DYNLT2B: variants seen among roughly 807,000 people sequenced by gnomAD.
DYNLT2B encodes dynein light chain Tctex-type protein 2B.
A neutral mutation model predicts 19.5 loss-of-function variants in DYNLT2B; 14 were observed. The observed-to-expected ratio is 0.72, with a 90% CI of 0.47 to 1.12. The LOEUF (loss-of-function observed/expected upper bound fraction) is 1.12, where lower values mean the gene tolerates loss of function less well. Ranked by LOEUF, DYNLT2B falls within the 50% of genes most tolerant of loss-of-function variation. The pLI is 0.00. For synonymous variants in DYNLT2B, 70 were observed against 59.7 expected (o/e 1.17, Z -0.79); for missense variants, 133 against 174.7 (o/e 0.76, Z 1.35).
intron 3 of DYNLT2B, among the ~76,000 whole-genome samples, chr3:196,303,167 C>G (rs976890455): frequency 1.3e-5 from 2 of 151,734 alleles, no homozygotes; most frequent in African/African-American, 4.8e-5. Context: ...CACAAGAAGA[C>G]AGCTGACTCC....
intron 2 of DYNLT2B, among the ~76,000 whole-genome samples, 173 bp downstream of exon 2, chr3:196,315,925 G>A (rs1036549542): frequency 6.6e-6 from 1 of 152,090 alleles, no homozygotes; most frequent in African/African-American, 2.4e-5. Context: ...GGCTGGTACT[G>A]AACTCCAGAG....
intron 3 of DYNLT2B, chr3:196,296,351 T>C (rs1055079141): frequency 7.2e-6 from 2 of 279,246 alleles, no homozygotes; most frequent in African/African-American, 4.4e-5. Context: ...ATACTAGAGA[T>C]TTGTGTGTGA....
chr3:196,295,884 T>C lies in DYNLT2B; in HGVS notation c.381+122A>G, dbSNP rs1048172814. ...AAAAACTAACAGTAAAATCATTTCA[T>C]TCACAAGTCAAAGATGAATGACTAA... On this transcript the variant is annotated intron_variant, in intron 4 of 4. Coordinates refer to ENST00000325318, the MANE Select transcript of DYNLT2B (RefSeq NM_152773.5). The C allele has an allele frequency of 3.4e-5, 28 of 825,220 alleles. No individual in the cohort carries two copies. In the Admixed American group the frequency reaches 7.5e-4, roughly 22 times the overall value. The allele number at this position is 825,220 out of a possible 1,614,324, so 51.1% of individuals were successfully genotyped here.
Position 196,309,522 on chromosome 3 carries a change from C to T in DYNLT2B, c.248-2510G>A, listed in dbSNP as rs150989873. ...TCAGGTGATCCATCTGCCTCGGCCT[C>T]CCAAAGTGCTGGGATTACGGACGTG... is the stretch of plus-strand genomic sequence containing the variant. On this transcript the variant is annotated intron_variant, in intron 2 of 4. Coordinates refer to ENST00000325318, the MANE Select transcript of DYNLT2B (RefSeq NM_152773.5). Among the ~76,000 whole-genome samples, 664 of 152,136 alleles carry T rather than the reference C, an allele frequency of 4.4e-3. 16 individuals are homozygous for T. In the South Asian group the frequency reaches 0.07, roughly 16 times the overall value.
chr3:196,316,908 T>G (rs6766063), intron 1 of DYNLT2B, among the ~76,000 whole-genome samples: 2,358 of 44,540 alleles, frequency 0.053, 164 homozygotes, highest in African/African-American at 0.14. Context: ...TGTGTGTGTG[T>G]TGTGTGGTGT....
rs202129275 is a variant in DYNLT2B at position 196,317,059 on chromosome 3, T to TG, written c.114-829dup. ...GTGTGTGTGTGTTGTGTGGTGTGTG[T>TG]GTGGTGTGTGTGTGTGTGTGTGTGT... On this transcript the variant is annotated intron_variant, in intron 1 of 4. Transcript: ENST00000325318. Among the ~76,000 whole-genome samples, 47 of 94,174 alleles carry TG rather than the reference T, an allele frequency of 5.0e-4. 3 individuals carry two copies. In the South Asian group the frequency reaches 5.7e-3, roughly 11 times the overall value. The allele number at this position is 94,174 out of a possible 152,430, so 61.8% of individuals were successfully genotyped here. A position where few individuals can be genotyped will look rare whatever the true frequency, so the allele number is the denominator to read the frequency against.
At chr3:196,297,449 C>T (rs555085297) in intron 3 of DYNLT2B, among the ~76,000 whole-genome samples, 2 of 152,104 alleles carry the variant, frequency 1.3e-5, no homozygotes, top group South Asian at 2.1e-4. Flanking sequence ...CACTTGAACC[C>T]AGGAGGTGGA....
chr3:196,307,034 A>T (rs1400700991), intron 2 of DYNLT2B, 22 bp from the exon 3 acceptor site: 3 of 1,603,860 alleles, frequency 1.9e-6, no homozygotes, highest in Admixed American at 1.7e-5. Flanking sequence ...AAATAAGGTT[A>T]TTTATAAGCA....
chr3:196,307,593 G>A (rs1205912076), intron 2 of DYNLT2B, among the ~76,000 whole-genome samples: 10 of 151,596 alleles, frequency 6.6e-5, no homozygotes, highest in Admixed American at 2.0e-4. Context: ...GTGAGCCACC[G>A]CGCCCGGTCA....
At chr3:196,306,804 G>C (rs1290662128) in intron 3 of DYNLT2B, 139 bp downstream of exon 3, 20 of 681,566 alleles carry the variant, frequency 2.9e-5, no homozygotes, top group Non-Finnish European at 4.7e-5. Context: ...GCCTCCCAAA[G>C]TGCTGAGATT....
intron 1 of DYNLT2B, among the ~76,000 whole-genome samples, chr3:196,317,570 G>A (rs1726908463): frequency 6.6e-6 from 1 of 151,964 alleles, no homozygotes; most frequent in Non-Finnish European, 1.5e-5. Context: ...TCCTAGCGAG[G>A]GCTCGCTGCG....
intron 2 of DYNLT2B, 117 bp downstream of exon 2, chr3:196,315,981 A>T: frequency 1.8e-6 from 2 of 1,118,472 alleles, no homozygotes; most frequent in Non-Finnish European, 2.5e-6. Flanking sequence ...TTGGGATTGT[A>T]GGCGTGAGCC....
intron 3 of DYNLT2B, among the ~76,000 whole-genome samples, chr3:196,305,203 T>A (rs936425922): frequency 2.6e-5 from 4 of 152,116 alleles, no homozygotes; most frequent in African/African-American, 4.8e-5. Flanking sequence ...AACTTTATAA[T>A]AGATGGATCC....
intron 3 of DYNLT2B, among the ~76,000 whole-genome samples, chr3:196,304,059 T>A (rs113338979): frequency 0.053 from 8,100 of 152,286 alleles, 295 homozygotes; most frequent in Middle Eastern, 0.12. Flanking sequence ...ACAGGGAAAC[T>A]GGGTGTGGAG....
chr3:196,294,908 G>T (rs114551717), intron 4 of DYNLT2B, among the ~76,000 whole-genome samples: 1,528 of 151,430 alleles, frequency 0.01, 24 homozygotes, highest in African/African-American at 0.036. Context: ...CTAATTTTTT[G>T]TGTGTGTGTT....
At chr3:196,304,553 ATGG>A (rs1329354323) in intron 3 of DYNLT2B, among the ~76,000 whole-genome samples, 3 of 151,940 alleles carry the variant, frequency 2.0e-5, no homozygotes, top group African/African-American at 7.2e-5. Context: ...AAGGCCGAGC[ATGG>A]TGTTGGCACC....
At position 196,309,904 on chromosome 3, in the gene DYNLT2B, C is replaced by T. The variant is rs566503592; in HGVS notation, c.248-2892G>A. Among the ~76,000 whole-genome samples the T allele has an allele frequency of 2.0e-4, 30 of 149,988 alleles. No homozygotes were observed. In the South Asian group the frequency reaches 5.5e-3, roughly 27 times the overall value. On this transcript the variant is annotated intron_variant, in intron 2 of 4. Transcript: ENST00000325318. ...TGGAGGTTAAGGTGAGCCAAGATTG[C>T]GCCATTGCACTCCAGCTTGTGCAAC...
chr3:196,305,041 C>T (rs947711661), intron 3 of DYNLT2B, among the ~76,000 whole-genome samples: 22 of 152,116 alleles, frequency 1.4e-4, no homozygotes, highest in African/African-American at 4.8e-4. Context: ...TGCCACCATG[C>T]CCGGCTAATT....
At position 196,315,540 on chromosome 3, in the gene DYNLT2B, C is replaced by T. The variant is rs190327026; in HGVS notation, c.247+558G>A. On this transcript the variant is annotated intron_variant, in intron 2 of 4. Transcript: ENST00000325318. ...CCTCCCAAAGTGCTGCGATTACAGG[C>T]GTGAGCCACTGCGCCCGGCCTTTAT... 3.6e-3 allele frequency among the ~76,000 whole-genome samples: 545 copies of T among 151,646 alleles called. 3 individuals carry two copies. Among genetic ancestry groups the T allele is most frequent in the African/African-American group, 0.013 (525 of 41,478 alleles).
Sources: allele counts gnomAD v4.1 joint callset (sites outside exome capture counted in the v4.1 genomes callset), GRCh38; gene constraint gnomAD v4.1.1; transcripts MANE v1.5; gene names NCBI Gene and HGNC (gene_info 2026-07-23, HGNC 2026-07-21).